The following FBXL4 variants were observed in gnomAD, a reference collection of about 807,000 sequenced individuals.
FBXL4 encodes the protein F-box and leucine rich repeat protein 4.
A neutral mutation model predicts 58.9 loss-of-function variants in FBXL4; 40 were observed. The observed-to-expected ratio is 0.68, with a 90% CI of 0.53 to 0.88. FBXL4 has a LOEUF of 0.88. Among genes scored for constraint, FBXL4 ranks in the 40% least tolerant of loss-of-function variants. The pLI, the probability that FBXL4 is intolerant of heterozygous loss-of-function variation, is 0.00. For missense variants in FBXL4, 676 were observed against 734.4 expected (o/e 0.92, Z 0.92); for synonymous variants, 263 against 265.5 (o/e 0.99, Z 0.09).
intron 7 of FBXL4, among the ~76,000 whole-genome samples, chr6:98,885,485 T>C (rs1771006488): frequency 6.6e-6 from 1 of 152,136 alleles, no homozygotes; most frequent in South Asian, 2.1e-4. Flanking sequence ...CCCTACCTAA[T>C]GTGGGTGGGC....
At chr6:98,905,392 G>C in intron 6 of FBXL4, 34 bp downstream of exon 6, 1 of 1,604,614 alleles carries the variant, frequency 6.2e-7, no homozygotes, top group Non-Finnish European at 8.5e-7. Flanking sequence ...TGCTGCTGGG[G>C]GGGAAAAAAA....
intron 5 of FBXL4, among the ~76,000 whole-genome samples, chr6:98,912,337 T>C (rs538532397): frequency 6.6e-5 from 10 of 152,172 alleles, no homozygotes; most frequent in African/African-American, 1.9e-4. Flanking sequence ...GCCACAAATA[T>C]ATTCCTCAAG....
Position 98,917,531 on chromosome 6 carries a change from A to T in FBXL4, c.701T>A (p.Leu234His), listed in dbSNP as rs1172417934. The change falls in exon 5 of 10, where the codon CTT becomes CAT. Residue 234 changes from leucine to histidine, a missense_variant. Leu to His is a moderately conservative substitution (Grantham distance 99, BLOSUM62 -3). Transcript: ENST00000369244. ...GTCAATAAGTGAAGTCTTGAGAGAAAGCACTGGCTTGTCCTTCACACCATG... is the reference window on the plus strand; with the variant it reads ...GTCAATAAGTGAAGTCTTGAGAGAATGCACTGGCTTGTCCTTCACACCATG... ...VLHGVKDKPV[L>H]SLKTSLIDMN... 6.2e-7 allele frequency: 1 copy of T among 1,614,058 alleles called. No individual in the cohort carries two copies. Among genetic ancestry groups the T allele is most frequent in the East Asian group, 2.2e-5 (1 of 44,870 alleles).
At chr6:98,922,819 AT>A (rs1428929501) in intron 4 of FBXL4, among the ~76,000 whole-genome samples, 5 of 152,270 alleles carry the variant, frequency 3.3e-5, no homozygotes, top group Non-Finnish European at 5.9e-5. Context: ...TAACATTGGC[AT>A]TTTGTTTGTC....
intron 6 of FBXL4, among the ~76,000 whole-genome samples, chr6:98,902,580 T>C (rs911981436): frequency 2.6e-5 from 4 of 152,054 alleles, no homozygotes; most frequent in African/African-American, 4.8e-5. Context: ...CCAAGAATGT[T>C]TCCTAAAGGA....
At chr6:98,919,189 G>T (rs965214718) in intron 4 of FBXL4, among the ~76,000 whole-genome samples, 1 of 152,098 alleles carries the variant, frequency 6.6e-6, no homozygotes, top group Non-Finnish European at 1.5e-5. Context: ...AGAATGGAGA[G>T]GGAAGTATGG....
intron 8 of FBXL4, among the ~76,000 whole-genome samples, chr6:98,877,021 G>A (rs1261652895): frequency 1.3e-5 from 2 of 152,174 alleles, no homozygotes; most frequent in African/African-American, 4.8e-5. Context: ...GGAGAAGGAA[G>A]CTCATTGAAG....
In FBXL4 at chr6:98,917,449, A is replaced by G. The variant is rs1178591974; in HGVS notation, c.783T>C (p.Ser261=). 6 of 1,613,880 alleles carry G rather than the reference A, an allele frequency of 3.7e-6. No individual in the cohort carries two copies. The African/African-American group carries it at 6.7e-5, about 18-fold the overall frequency. ...CAGCACTGCTAAACTTTTTGTTAAG[A>G]CTGTCCATTCCACAACCATCCTTTT... ...YAEKDGCGMD[S]LNKKFSSAVL... Residue 261 remains serine, a synonymous_variant, in exon 5 of 10, where the codon AGT becomes AGC. Coordinates refer to ENST00000369244, the MANE Select transcript of FBXL4 (RefSeq NM_001278716.2).
At chr6:98,874,868 A>G (rs764593826) in intron 9 of FBXL4, among the ~76,000 whole-genome samples, 1 of 152,212 alleles carries the variant, frequency 6.6e-6, no homozygotes, top group Non-Finnish European at 1.5e-5. Context: ...ACCCCTGGCT[A>G]AAAGTAAGAA....
At chr6:98,921,729 T>C (rs1218004577) in intron 4 of FBXL4, among the ~76,000 whole-genome samples, 1 of 152,170 alleles carries the variant, frequency 6.6e-6, no homozygotes, top group Non-Finnish European at 1.5e-5. Context: ...GCAAATTCTA[T>C]GAAAGCCTCT....
At chr6:98,938,950 T>TAAAA (rs1773325517) in intron 1 of FBXL4, among the ~76,000 whole-genome samples, 3 of 151,438 alleles carry the variant, frequency 2.0e-5, no homozygotes, top group Non-Finnish European at 4.4e-5. Context: ...TAGCTAAGTG[T>TAAAA]GGTGGTGTGC....
chr6:98,888,674 A>C (rs2128383893), intron 7 of FBXL4, among the ~76,000 whole-genome samples: 1 of 152,356 alleles, frequency 6.6e-6, no homozygotes, highest in African/African-American at 2.4e-5. Context: ...TAGCAGCTTT[A>C]ATAGTGCAAG....
intron 1 of FBXL4, among the ~76,000 whole-genome samples, chr6:98,945,844 G>C (rs958808327): frequency 1.3e-5 from 2 of 152,168 alleles, no homozygotes; most frequent in African/African-American, 4.8e-5. Flanking sequence ...TAATCAGGCT[G>C]CTTCTCTATG....
chr6:98,907,886 T>C (rs1771873673), intron 5 of FBXL4, among the ~76,000 whole-genome samples: 1 of 152,144 alleles, frequency 6.6e-6, no homozygotes, highest in South Asian at 2.1e-4. Context: ...GAATCTCCCT[T>C]ACTCCTGATG....
intron 7 of FBXL4, among the ~76,000 whole-genome samples, chr6:98,889,163 G>A (rs1771136265): frequency 6.6e-6 from 1 of 152,168 alleles, no homozygotes. Context: ...TTTTATTAAT[G>A]CAATTAGGCA....
rs150436385 is a variant in FBXL4, at chr6:98,905,459, T to C, written c.1070A>G (p.Asn357Ser). 3.1e-6 allele frequency: 5 copies of C among 1,613,946 alleles called. No homozygotes were observed. Among genetic ancestry groups the C allele is most frequent in the African/African-American group, 1.3e-5 (1 of 74,938 alleles). Reference protein sequence around the residue: ...VQWLNLSWTGNRGFISVAGFS... With the variant: ...VQWLNLSWTGSRGFISVAGFS... ...TCCTGCAACAGAGATGAAGCCTCTATTGCCAGTCCAAGATAAATTAAGCCA... is the reference window on the plus strand; with the variant it reads ...TCCTGCAACAGAGATGAAGCCTCTACTGCCAGTCCAAGATAAATTAAGCCA... The change falls in exon 6 of 10, where the codon AAT becomes AGT. Residue 357 changes from asparagine to serine, a missense_variant. Asn to Ser is a conservative substitution (Grantham distance 46). Transcript: ENST00000369244.
chr6:98,919,877 C>T (rs1240534539), intron 4 of FBXL4, among the ~76,000 whole-genome samples: 3 of 152,090 alleles, frequency 2.0e-5, no homozygotes, highest in Non-Finnish European at 2.9e-5. Context: ...TGACACCAGA[C>T]GATGCTGGAG....
intron 1 of FBXL4, among the ~76,000 whole-genome samples, chr6:98,942,325 AAAAC>A (rs963194545): frequency 5.3e-5 from 8 of 152,172 alleles, no homozygotes; most frequent in South Asian, 2.1e-4. Context: ...TGGTTAGAAA[AAAAC>A]AAACAAACAG....
intron 7 of FBXL4, chr6:98,898,557 A>C: frequency 1.1e-6 from 1 of 903,646 alleles, no homozygotes; most frequent in Non-Finnish European, 1.3e-6. Flanking sequence ...GTGAGCTGAG[A>C]CCATGCCATT....
Sources: allele counts gnomAD v4.1 joint callset (sites outside exome capture counted in the v4.1 genomes callset), GRCh38; gene constraint gnomAD v4.1.1; transcripts MANE v1.5; gene names NCBI Gene and HGNC (gene_info 2026-07-23, HGNC 2026-07-21).